The following TPD52L2 variants were observed in gnomAD, a reference collection of about 807,000 sequenced individuals.
TPD52L2 encodes tumor protein D54.
TPD52L2 carries 19 observed loss-of-function variants against 24.7 expected under a neutral mutation model. The ratio of observed to expected loss-of-function variants is 0.77; its 90% CI spans 0.54 to 1.13. The LOEUF (loss-of-function observed/expected upper bound fraction) is 1.13, where lower values mean the gene tolerates loss of function less well. Among genes scored for constraint, TPD52L2 ranks in the 50% most tolerant of loss-of-function variants. TPD52L2 has a pLI of 0.00. For missense variants in TPD52L2, 236 were observed against 250.4 expected (o/e 0.94, Z 0.39); for synonymous variants, 104 against 100.2 (o/e 1.04, Z -0.23).
chr20:63,878,554 C>G (rs2052776454), intron 4 of TPD52L2, among the ~76,000 whole-genome samples: 2 of 152,168 alleles, frequency 1.3e-5, no homozygotes. Context: ...CTGCTGCAGC[C>G]CAACAGTGTG....
rs746270362 is a variant in TPD52L2, at chr20:63,873,655, G to C, written c.166-13G>C. ...GTAGTGATGGCTCATCATGTCAACT[G>C]CATGCTTTGCAGGTGGAAGAGGAAA... On this transcript the variant is annotated splice_polypyrimidine_tract_variant and intron_variant, in intron 2 of 6. Coordinates refer to ENST00000346249, the MANE Select transcript of TPD52L2 (RefSeq NM_003288.4). 3.7e-6 allele frequency: 6 copies of C among 1,610,636 alleles called. No individual in the cohort carries two copies. The highest frequency in any genetic ancestry group is 5.1e-6 in the Non-Finnish European group (6 of 1,178,764).
intron 2 of TPD52L2, among the ~76,000 whole-genome samples, chr20:63,870,886 T>A (rs1440027888): frequency 6.6e-6 from 1 of 151,372 alleles, no homozygotes; most frequent in African/African-American, 2.4e-5. Context: ...CCCATCTAAT[T>A]TTCGTATTTT....
At chr20:63,876,973 G>A (rs1255823516) in intron 4 of TPD52L2, 2 of 454,670 alleles carry the variant, frequency 4.4e-6, no homozygotes, top group African/African-American at 4.0e-5. Flanking sequence ...TGTACATCTG[G>A]GTGCTCTGGG....
intron 5 of TPD52L2, chr20:63,888,796 C>T (rs372467245): frequency 1.4e-4 from 33 of 231,822 alleles, no homozygotes; most frequent in African/African-American, 7.4e-4. Flanking sequence ...AACCTCAGTA[C>T]GAGAGCCCGG....
chr20:63,881,643 A>G (rs6122205), intron 4 of TPD52L2, among the ~76,000 whole-genome samples: 40,181 of 152,136 alleles, frequency 0.26, 6,500 homozygotes, highest in East Asian at 0.65. Flanking sequence ...CAGTCATCCC[A>G]GATGCCACTC....
intron 4 of TPD52L2, among the ~76,000 whole-genome samples, chr20:63,882,179 CA>C (rs2052923975): frequency 2.0e-5 from 3 of 152,248 alleles, no homozygotes; most frequent in Non-Finnish European, 4.4e-5. Context: ...TCGTTCCCCA[CA>C]GACGTGGTTG....
At chr20:63,880,802 A>G (rs1422189017) in intron 4 of TPD52L2, among the ~76,000 whole-genome samples, 1 of 151,570 alleles carries the variant, frequency 6.6e-6, no homozygotes, top group African/African-American at 2.4e-5. Flanking sequence ...GAGGCAGGAG[A>G]ATGGCGTGCA....
chr20:63,889,481 C>G (rs542642776), intron 6 of TPD52L2, among the ~76,000 whole-genome samples: 1,137 of 108,060 alleles, frequency 0.011, 16 homozygotes, highest in Non-Finnish European at 0.012. Flanking sequence ...CACTGCCCTT[C>G]CTGGTCCCCA....
At chr20:63,888,961 C>G in intron 5 of TPD52L2, 1 of 590,430 alleles carries the variant, frequency 1.7e-6, no homozygotes, top group African/African-American at 1.9e-5. Flanking sequence ...TTTCCAGTTG[C>G]CTTGTGTGAC....
rs1187213824 is a variant in TPD52L2, at chr20:63,890,484, T to G, written c.*539T>G. The G allele has an allele frequency of 6.4e-6, 1 of 156,034 alleles. No individual in the cohort carries two copies. Among genetic ancestry groups the G allele is most frequent in the Non-Finnish European group, 1.4e-5 (1 of 70,478 alleles). The allele number at this position is 156,034 out of a possible 1,614,324, so 9.7% of individuals were successfully genotyped here. On this transcript the variant is annotated 3_prime_UTR_variant, in exon 7 of 7. Transcript: ENST00000346249. Reference sequence around the variant, plus strand: ...AACTGACCCTCAGCAGCTGCCTGATTGTTACGCGAATCTAGCTTTAACGGA... The same window carrying G: ...AACTGACCCTCAGCAGCTGCCTGATGGTTACGCGAATCTAGCTTTAACGGA...
intron 5 of TPD52L2, chr20:63,887,319 A>C: frequency 1.6e-6 from 1 of 620,262 alleles, no homozygotes; most frequent in Admixed American, 2.7e-5. Context: ...ACAGCTTCCT[A>C]TGGCAGTGCT....
At position 63,875,863 on chromosome 20, in the gene TPD52L2, C is replaced by A. The variant is rs763512123; in HGVS notation, c.362C>A (p.Thr121Asn). The change falls in exon 4 of 7, where the codon ACC (threonine) becomes AAC (asparagine). Residue 121 changes from threonine (T) to asparagine (N), a missense_variant. By Grantham distance (65) the Thr-to-Asn change is moderately conservative (BLOSUM62 0). Transcript: ENST00000346249. ...EKLGEWNEKV[T>N]QSDLYKKTQE... ...CTTGGAGAGTGGAATGAGAAAGTGA[C>A]CCAGTCAGACCTGTGAGTGCCTGTA... is the stretch of plus-strand genomic sequence containing the variant. The A allele has an allele frequency of 1.2e-6, 2 of 1,614,042 alleles. No homozygotes were observed. The highest frequency in any genetic ancestry group is 4.5e-5 in the East Asian group (2 of 44,902).
intron 3 of TPD52L2, 37 bp downstream of exon 3, chr20:63,873,853 A>G: frequency 6.9e-7 from 1 of 1,453,840 alleles, no homozygotes; most frequent in Non-Finnish European, 9.1e-7. Flanking sequence ...TGGGGGCTGA[A>G]GAGAACGGGC....
chr20:63,872,196 C>T (rs1340043619), intron 2 of TPD52L2, among the ~76,000 whole-genome samples: 2 of 152,080 alleles, frequency 1.3e-5, no homozygotes, highest in South Asian at 2.1e-4. Context: ...GAACTGACCT[C>T]AGGAACACAA....
At chr20:63,873,634 T>C in intron 2 of TPD52L2, 34 bp from the exon 3 acceptor site, 1 of 1,608,036 alleles carries the variant, frequency 6.2e-7, no homozygotes, top group Non-Finnish European at 8.5e-7. Flanking sequence ...CCTGCAGTAG[T>C]GATGGCTCAT....
intron 5 of TPD52L2, among the ~76,000 whole-genome samples, chr20:63,885,169 C>T (rs904873605): frequency 1.3e-5 from 2 of 152,250 alleles, no homozygotes; most frequent in African/African-American, 4.8e-5. Context: ...TGGACAGCTG[C>T]CCAACGCCCG....
chr20:63,868,521 C>T (rs556867665), intron 1 of TPD52L2, among the ~76,000 whole-genome samples: 2 of 152,268 alleles, frequency 1.3e-5, no homozygotes, highest in African/African-American at 2.4e-5. Flanking sequence ...TTTGCTGCCT[C>T]CCTGAAGGAG....
At position 63,877,016 on chromosome 20, in the gene TPD52L2, T is replaced by G. The variant is rs900156071; in HGVS notation, c.374+1141T>G. The G allele has an allele frequency of 2.7e-5, 12 of 443,224 alleles. No individual in the cohort carries two copies. The highest frequency in any genetic ancestry group is 4.1e-5 in the African/African-American group (2 of 48,862). 27.5% of individuals were successfully genotyped at this position (443,224 alleles called of 1,614,324 possible). On this transcript the variant is annotated intron_variant, in intron 4 of 6. Transcript: ENST00000346249. The surrounding 1 kb of genome is among the most constrained non-coding windows in gnomAD (Gnocchi z 4.1). The stretch of plus-strand genomic sequence containing the variant: ...GTGGTTCATGGCATGTTGCCCTGGG[T>G]TTTTTTTGTTTGTTTGGTTTTTTTT...
chr20:63,874,290 C>T (rs375636414), intron 3 of TPD52L2, among the ~76,000 whole-genome samples: 40 of 150,648 alleles, frequency 2.7e-4, no homozygotes, highest in African/African-American at 9.5e-4. Context: ...CCATGTTGGC[C>T]AGGCTGGTCT....
Sources: gnomAD v4.1 joint callset for allele counts (sites outside exome capture counted in the v4.1 genomes callset) on GRCh38, gnomAD v4.1.1 for gene constraint, Gnocchi (gnomAD v3.1) non-coding constraint, MANE v1.5 for transcripts, NCBI Gene and HGNC (gene_info 2026-07-23, HGNC 2026-07-21) for gene names.